Variants in FAM135B observed in about 807,000 individuals in gnomAD.
FAM135B encodes the protein protein FAM135B.
A neutral mutation model predicts 127.7 loss-of-function variants in FAM135B; 43 were observed. That is an observed-to-expected ratio of 0.34 (90% CI 0.26 to 0.43). The LOEUF (loss-of-function observed/expected upper bound fraction) is 0.43, where lower values mean the gene tolerates loss of function less well. FAM135B is among the 20% of genes least tolerant of loss of function. The pLI is 1.00. For synonymous variants in FAM135B, 670 were observed against 665.1 expected (o/e 1.01, Z -0.11); for missense variants, 1,558 against 1,725.6 (o/e 0.90, Z 1.72).
chr8:138,247,743 T>C (rs556702246), intron 6 of FAM135B, among the ~76,000 whole-genome samples: 13 of 152,336 alleles, frequency 8.5e-5, no homozygotes, highest in African/African-American at 2.9e-4. Context: ...CTGGAGTCTT[T>C]ACAAAACATA....
Position 138,243,432 on chromosome 8 carries a change from G to C in FAM135B, c.543-364C>G, listed in dbSNP as rs1407471693. 1.3e-5 allele frequency among the ~76,000 whole-genome samples: 2 copies of C among 152,132 alleles called. No homozygotes were observed. The highest frequency in any genetic ancestry group is 1.3e-4 in the Admixed American group (2 of 15,276). On this transcript the variant is annotated intron_variant, in intron 6 of 19. Coordinates refer to ENST00000395297, the MANE Select transcript of FAM135B (RefSeq NM_015912.4). The surrounding 1 kb of genome is among the most constrained non-coding windows in gnomAD (Gnocchi z 7.5). ...TTCAGGGGCAACTCTGACCAGACAA[G>C]GTCTGAGTCCTGTCCCTGCTCCTTC...
intron 7 of FAM135B, among the ~76,000 whole-genome samples, chr8:138,238,178 C>A (rs759629517): frequency 3.3e-5 from 5 of 152,166 alleles, no homozygotes; most frequent in Non-Finnish European, 5.9e-5. Context: ...TGCATTGAAG[C>A]TCTTGGAGGA....
chr8:138,305,139 G>A (rs950301414), intron 3 of FAM135B, among the ~76,000 whole-genome samples: 5 of 152,106 alleles, frequency 3.3e-5, no homozygotes, highest in South Asian at 2.1e-4. Flanking sequence ...TCGGTCCCCC[G>A]CCCTCTACAT....
At chr8:138,466,272 A>C (rs1215925697) in intron 1 of FAM135B, among the ~76,000 whole-genome samples, 3 of 152,204 alleles carry the variant, frequency 2.0e-5, no homozygotes, top group African/African-American at 4.8e-5. Context: ...AAACTAAGAC[A>C]AATCAAAGCA....
chr8:138,368,715 G>C (rs1830924310), intron 1 of FAM135B, among the ~76,000 whole-genome samples: 1 of 151,846 alleles, frequency 6.6e-6, no homozygotes, highest in South Asian at 2.1e-4. Flanking sequence ...TGTTACTGGG[G>C]GTCAGTAACA....
intron 3 of FAM135B, among the ~76,000 whole-genome samples, chr8:138,282,073 G>A (rs1308084478): frequency 3.9e-5 from 6 of 152,176 alleles, no homozygotes; most frequent in African/African-American, 1.4e-4. Flanking sequence ...ATGACATCTA[G>A]GACATAGCCG....
chr8:138,167,309 C>A (rs1004386073), intron 12 of FAM135B, among the ~76,000 whole-genome samples: 2 of 152,156 alleles, frequency 1.3e-5, no homozygotes, highest in African/African-American at 4.8e-5. Context: ...GATCCTCCTG[C>A]CTCAGCCTCC....
intron 1 of FAM135B, among the ~76,000 whole-genome samples, chr8:138,481,049 T>C (rs10091823): frequency 6.6e-6 from 1 of 152,160 alleles, no homozygotes; most frequent in South Asian, 2.1e-4. Context: ...CTGTTACCTC[T>C]GACTTCTCCC....
intron 1 of FAM135B, among the ~76,000 whole-genome samples, chr8:138,467,635 T>C (rs994238443): frequency 6.6e-6 from 1 of 152,118 alleles, no homozygotes; most frequent in African/African-American, 2.4e-5. Flanking sequence ...AACTCCAACA[T>C]GTGGAAATTT....
chr8:138,494,476 C>T (rs1250404331), intron 1 of FAM135B, among the ~76,000 whole-genome samples: 1 of 152,180 alleles, frequency 6.6e-6, no homozygotes, highest in South Asian at 2.1e-4. Context: ...TGTGGGAGCA[C>T]ATGAGAGAAT....
At chr8:138,473,668 T>C (rs1344868886) in intron 1 of FAM135B, among the ~76,000 whole-genome samples, 2 of 152,166 alleles carry the variant, frequency 1.3e-5, no homozygotes, top group Non-Finnish European at 2.9e-5. Flanking sequence ...AAGACAGCTA[T>C]TGATTGCCAA....
intron 1 of FAM135B, among the ~76,000 whole-genome samples, chr8:138,433,621 A>G (rs1291721390): frequency 6.6e-6 from 1 of 152,212 alleles, no homozygotes; most frequent in Non-Finnish European, 1.5e-5. Context: ...ATAGTTGATG[A>G]AATTCATGCT....
In FAM135B at chr8:138,151,400, C is replaced by A; in HGVS notation, c.3075G>T (p.Leu1025=). 1.2e-6 allele frequency: 2 copies of A among 1,613,854 alleles called. No individual in the cohort carries two copies. Among genetic ancestry groups the A allele is most frequent in the South Asian group, 1.1e-5 (1 of 91,002 alleles). Residue 1025 remains leucine, a synonymous_variant, in exon 13 of 20, where the codon CTG becomes CTT. Coordinates refer to ENST00000395297, the MANE Select transcript of FAM135B (RefSeq NM_015912.4). Reference sequence around the variant, plus strand: ...ATAAGTTCACAACCTCCACAGCCTTCAGGCTGTCCAGAGTAAAGGTCTCTG... The same window carrying A: ...ATAAGTTCACAACCTCCACAGCCTTAAGGCTGTCCAGAGTAAAGGTCTCTG... The part of the protein sequence containing the change: ...TSAETFTLDS[L]KAVEVVNLSV...
intron 7 of FAM135B, among the ~76,000 whole-genome samples, chr8:138,204,219 C>T (rs1817381368): frequency 6.6e-6 from 1 of 152,156 alleles, no homozygotes; most frequent in Admixed American, 6.5e-5. Flanking sequence ...AGTGGCACTT[C>T]TCTTTAGGGC....
chr8:138,490,754 A>G (rs1815160573), intron 1 of FAM135B, among the ~76,000 whole-genome samples: 1 of 152,202 alleles, frequency 6.6e-6, no homozygotes, highest in South Asian at 2.1e-4. Context: ...TGTAAGTTGC[A>G]GTTATTCTAA....
chr8:138,256,608 G>A (rs1822106583), intron 5 of FAM135B, 81 bp downstream of exon 5: 2 of 1,157,302 alleles, frequency 1.7e-6, no homozygotes, highest in Non-Finnish European at 2.6e-6. Context: ...GAGGTTCAAG[G>A]CTATGAGGCT....
intron 11 of FAM135B, among the ~76,000 whole-genome samples, chr8:138,168,914 T>C (rs1053125779): frequency 6.6e-5 from 10 of 152,186 alleles, no homozygotes; most frequent in African/African-American, 2.2e-4. Context: ...TGTGTGTCTG[T>C]CCATCACTCT....
rs754055923 is a variant in FAM135B, at chr8:138,132,831, T to A, written c.4016-33A>T. ...GTGGGGAAGAAGGACATGAAGCTGGTGCAGAAATTAGCAGTGGAATCTAGA... is the reference window on the plus strand; with the variant it reads ...GTGGGGAAGAAGGACATGAAGCTGGAGCAGAAATTAGCAGTGGAATCTAGA... On this transcript the variant is annotated intron_variant, in intron 19 of 19. Coordinates refer to ENST00000395297, the MANE Select transcript of FAM135B (RefSeq NM_015912.4). This position sits in a 1 kb window ranked among gnomAD's most constrained non-coding sequence, Gnocchi z 4.5. The A allele has an allele frequency of 6.3e-7, 1 of 1,597,158 alleles. No individual in the cohort carries two copies. The highest frequency in any genetic ancestry group is 8.6e-7 in the Non-Finnish European group (1 of 1,165,134).
intron 7 of FAM135B, among the ~76,000 whole-genome samples, chr8:138,239,776 T>G (rs1820587757): frequency 6.6e-6 from 1 of 152,082 alleles, no homozygotes; most frequent in Non-Finnish European, 1.5e-5. Flanking sequence ...TAGACTGGAT[T>G]AAGAAAATGT....
Sources: gnomAD v4.1 joint callset for allele counts (sites outside exome capture counted in the v4.1 genomes callset) on GRCh38, gnomAD v4.1.1 for gene constraint, Gnocchi (gnomAD v3.1) non-coding constraint, MANE v1.5 for transcripts, NCBI Gene and HGNC (gene_info 2026-07-23, HGNC 2026-07-21) for gene names.